The following KBTBD12 variants were observed in gnomAD, a reference collection of about 807,000 sequenced individuals.
The protein encoded by KBTBD12 is kelch repeat and BTB domain containing 12.
Under a neutral mutation model 58.7 loss-of-function variants are expected in KBTBD12, and 53 were observed. The ratio of observed to expected loss-of-function variants is 0.90; its 90% CI spans 0.72 to 1.14. The LOEUF is 1.14. Ranked by LOEUF, KBTBD12 falls within the 50% of genes most tolerant of loss-of-function variation. The probability of loss-of-function intolerance (pLI) is 0.00; values close to 1 mark genes in which losing one functional copy is unlikely to be tolerated. For missense variants in KBTBD12, 704 were observed against 751.3 expected (o/e 0.94, Z 0.74); for synonymous variants, 236 against 259.8 (o/e 0.91, Z 0.88).
chr3:127,967,780 A>G (rs1449220850), intron 5 of KBTBD12, among the ~76,000 whole-genome samples: 2 of 152,366 alleles, frequency 1.3e-5, no homozygotes, highest in East Asian at 1.9e-4. Context: ...TAGAAGAATA[A>G]CAAGAGAGTA....
At chr3:127,958,775 C>A (rs919166174) in intron 4 of KBTBD12, among the ~76,000 whole-genome samples, 1 of 152,060 alleles carries the variant, frequency 6.6e-6, no homozygotes, top group African/African-American at 2.4e-5. Context: ...GGGTAGCAAA[C>A]AAAAAGCAGA....
At position 127,986,478 on chromosome 3, in the gene KBTBD12, GTTCT is replaced by G. The variant is rs1177417941; in HGVS notation, c.*2207_*2210del. 6.6e-6 allele frequency: 1 copy of G among 150,462 alleles called. No homozygotes were observed. Among genetic ancestry groups the G allele is most frequent in the Non-Finnish European group, 1.5e-5 (1 of 67,796 alleles). 9.3% of individuals were successfully genotyped at this position (150,462 alleles called of 1,614,324 possible). On this transcript the variant is annotated 3_prime_UTR_variant, in exon 6 of 6. Coordinates refer to ENST00000405109, the MANE Select transcript of KBTBD12 (RefSeq NM_207335.4). The stretch of plus-strand genomic sequence containing the variant: ...GCAGATGTGCATATGGCTTGTGACG[GTTCT>G]TTCTTTTTTTTTTTTTTTTTGAGAC...
Position 127,916,175 on chromosome 3 carries a change from A to G in KBTBD12, c.-113+589A>G, listed in dbSNP as rs554601274. On this transcript the variant is annotated intron_variant, in intron 1 of 5. Transcript: ENST00000405109. ...AGTGTGAACTCGGCAAAGAAAAGAA[A>G]AGAAAACTGGTCTTATTTGTCTTTA... 2.6e-5 allele frequency among the ~76,000 whole-genome samples: 4 copies of G among 152,280 alleles called. No homozygotes were observed. In the East Asian group the frequency reaches 7.7e-4, roughly 29 times the overall value.
At chr3:127,983,751 C>CA (rs71150502) in intron 5 of KBTBD12, among the ~76,000 whole-genome samples, 37,614 of 147,282 alleles carry the variant, frequency 0.26, 4,779 homozygotes, top group Admixed American at 0.31. Flanking sequence ...GACTCCGTCT[C>CA]AAAAAAAAAA....
rs186825871 is a variant in KBTBD12, at chr3:127,944,894, T to C, written c.1492+14611T>C. Among the ~76,000 whole-genome samples the C allele has an allele frequency of 2.8e-4, 43 of 151,966 alleles. 1 individual carries two copies. In the East Asian group the frequency reaches 6.6e-3, roughly 23 times the overall value. ...ATTTTTTGTTATTTATTTTATTTTA[T>C]TTTTTGAGAGAGGGTCTTGCTCTGT... On this transcript the variant is annotated intron_variant, in intron 4 of 5. Coordinates refer to ENST00000405109, the MANE Select transcript of KBTBD12 (RefSeq NM_207335.4).
Position 127,984,413 on chromosome 3 carries a change from T to TCCCCACCCA in KBTBD12, c.*135_*136insCCCCACCCA. On this transcript the variant is annotated 3_prime_UTR_variant, in exon 6 of 6. Transcript: ENST00000405109. ...CTGTGTGTGAAGAAGCAGTGTGTGC[T>TCCCCACCCA]GGGCACTGGGTGGGGAGCATGGGGA... 1.2e-6 allele frequency: 1 copy of TCCCCACCCA among 806,804 alleles called. No homozygotes were observed. Among genetic ancestry groups the TCCCCACCCA allele is most frequent in the Non-Finnish European group, 1.9e-6 (1 of 518,854 alleles). 50.0% of individuals were successfully genotyped at this position (806,804 alleles called of 1,614,324 possible). A position where few individuals can be genotyped will look rare whatever the true frequency, so the allele number is the denominator to read the frequency against.
chr3:127,962,054 C>A (rs1285768064), intron 4 of KBTBD12, among the ~76,000 whole-genome samples: 1 of 152,236 alleles, frequency 6.6e-6, no homozygotes, highest in Non-Finnish European at 1.5e-5. Context: ...CTTCCAGGAC[C>A]TCTCTATGTG....
At chr3:127,918,584 C>T (rs1376029658) in intron 1 of KBTBD12, among the ~76,000 whole-genome samples, 3 of 151,938 alleles carry the variant, frequency 2.0e-5, no homozygotes, top group Admixed American at 6.6e-5. Flanking sequence ...TGGTGGCGGG[C>T]GCCTGTAGTC....
In KBTBD12 at chr3:127,984,148, A is replaced by G. The variant is rs1940924321; in HGVS notation, c.1742A>G (p.Asn581Ser). Reference protein sequence around the residue: ...KEILELDPWENQWNVVAINVL... With the variant: ...KEILELDPWESQWNVVAINVL... ...ATATTGGAACTGGACCCATGGGAAA[A>G]CCAGTGGAATGTTGTAGCCATCAAC... Residue 581 changes from asparagine to serine, a missense_variant, in exon 6 of 6, where the codon AAC becomes AGC. Physicochemically the swap from Asn to Ser is conservative, Grantham distance 46. Coordinates refer to ENST00000405109, the MANE Select transcript of KBTBD12 (RefSeq NM_207335.4). 1 of 1,613,846 alleles carries G rather than the reference A, an allele frequency of 6.2e-7. No individual in the cohort carries two copies. Among genetic ancestry groups the G allele is most frequent in the African/African-American group, 1.3e-5 (1 of 74,924 alleles).
In KBTBD12 at chr3:127,923,975, C is replaced by A. The variant is rs746354197; in HGVS notation, c.914C>A (p.Ser305Ter). ...GDASFCYDPV[S>*]RKTYFISSPK... ...GCCAGTTTTTGTTATGATCCTGTAT[C>A]ACGGAAAACCTATTTCATCTCATCT... The change falls in exon 2 of 6, where the codon TCA becomes TAA. Residue 305 changes from serine (S) to a stop codon, truncating the protein, a stop_gained. Transcript: ENST00000405109. LOFTEE classifies it high-confidence loss of function. The A allele has an allele frequency of 5.0e-6, 8 of 1,613,862 alleles. No homozygotes were observed. The highest frequency in any genetic ancestry group is 6.8e-6 in the Non-Finnish European group (8 of 1,179,808).
chr3:127,920,602 C>T (rs905967311), intron 1 of KBTBD12, among the ~76,000 whole-genome samples: 12 of 151,964 alleles, frequency 7.9e-5, no homozygotes, highest in African/African-American at 2.9e-4. Context: ...AAAGTAGCAA[C>T]TTAAGCAGTA....
At chr3:127,972,981 C>T (rs1261984868) in intron 5 of KBTBD12, among the ~76,000 whole-genome samples, 1 of 152,092 alleles carries the variant, frequency 6.6e-6, no homozygotes, top group East Asian at 1.9e-4. Flanking sequence ...AGTCACATGG[C>T]ACTGAAGACA....
intron 3 of KBTBD12, among the ~76,000 whole-genome samples, chr3:127,928,923 T>C (rs1475821070): frequency 6.6e-6 from 1 of 152,216 alleles, no homozygotes; most frequent in Non-Finnish European, 1.5e-5. Context: ...ACCTCACATG[T>C]AACACATTTA....
intron 5 of KBTBD12, among the ~76,000 whole-genome samples, chr3:127,980,277 C>T (rs1296024055): frequency 6.6e-6 from 1 of 152,110 alleles, no homozygotes; most frequent in Non-Finnish European, 1.5e-5. Context: ...TAACAGAATT[C>T]CCAAATTTTG....
intron 5 of KBTBD12, among the ~76,000 whole-genome samples, chr3:127,975,302 G>A (rs1316553936): frequency 6.6e-6 from 1 of 152,230 alleles, no homozygotes; most frequent in African/African-American, 2.4e-5. Context: ...CTGGAGCTAA[G>A]AGAAAATCCT....
At chr3:127,971,213 G>GGAT (rs1437535102) in intron 5 of KBTBD12, among the ~76,000 whole-genome samples, 2 of 152,110 alleles carry the variant, frequency 1.3e-5, no homozygotes. Context: ...AACATCCAAG[G>GGAT]GATGACAACA....
rs56216317 is a variant in KBTBD12, at chr3:127,945,164, C to CTTTTT, written c.1492+14915_1492+14919dup. Reference sequence around the variant, plus strand: ...TGTTTTTTTTAAAAATAGTAGCTATCTTTTTTTTTTTTTTTTTTTTTTTTT... The same window carrying CTTTTT: ...TGTTTTTTTTAAAAATAGTAGCTATCTTTTTTTTTTTTTTTTTTTTTTTTTTTTTT... On this transcript the variant is annotated intron_variant, in intron 4 of 5. Coordinates refer to ENST00000405109, the MANE Select transcript of KBTBD12 (RefSeq NM_207335.4). 2.2e-3 allele frequency among the ~76,000 whole-genome samples: 63 copies of CTTTTT among 28,770 alleles called. 28 individuals are homozygous for CTTTTT. Among genetic ancestry groups the CTTTTT allele is most frequent in the East Asian group, 4.1e-3 (4 of 980 alleles). The allele number at this position is 28,770 out of a possible 152,430, so 18.9% of individuals were successfully genotyped here. A position where few individuals can be genotyped will look rare whatever the true frequency, so the allele number is the denominator to read the frequency against.
Position 127,968,566 on chromosome 3 carries a change from G to A in KBTBD12, c.1690+5180G>A, listed in dbSNP as rs115863746. Among the ~76,000 whole-genome samples, 1,043 of 152,278 alleles carry A rather than the reference G, an allele frequency of 6.8e-3. 11 individuals carry two copies. The highest frequency in any genetic ancestry group is 0.024 in the African/African-American group (984 of 41,550). ...GCAAAAAGAATTATACACCGTGTTCGAGAAGGATTTATCCCAGAAATGAAA... is the reference window on the plus strand; with the variant it reads ...GCAAAAAGAATTATACACCGTGTTCAAGAAGGATTTATCCCAGAAATGAAA... On this transcript the variant is annotated intron_variant, in intron 5 of 5. Coordinates refer to ENST00000405109, the MANE Select transcript of KBTBD12 (RefSeq NM_207335.4).
chr3:127,920,121 C>T (rs73860731), intron 1 of KBTBD12, among the ~76,000 whole-genome samples: 2,821 of 152,194 alleles, frequency 0.019, 76 homozygotes, highest in African/African-American at 0.064. Flanking sequence ...TACAGTTGTA[C>T]AGATCCTTAA....
Sources: allele counts gnomAD v4.1 joint callset (sites outside exome capture counted in the v4.1 genomes callset), GRCh38; gene constraint gnomAD v4.1.1; transcripts MANE v1.5; gene names NCBI Gene and HGNC (gene_info 2026-07-23, HGNC 2026-07-21).